The following TMBIM6 variants were observed in gnomAD, a reference collection of about 807,000 sequenced individuals.
The protein encoded by TMBIM6 is transmembrane BAX inhibitor motif containing 6, also known as bax inhibitor 1.
TMBIM6 carries 13 observed loss-of-function variants against 31.4 expected under a neutral mutation model. The observed-to-expected ratio is 0.41, with a 90% CI of 0.27 to 0.66. The LOEUF (loss-of-function observed/expected upper bound fraction) is 0.66. TMBIM6 is among the 30% of genes least tolerant of loss of function. The probability of loss-of-function intolerance (pLI) is 0.28; values close to 1 mark genes in which losing one functional copy is unlikely to be tolerated. For synonymous variants in TMBIM6, 85 were observed against 101.7 expected, an observed-to-expected ratio of 0.84 and a Z score of 0.99; for missense variants, 275 against 289.5, an observed-to-expected ratio of 0.95 and a Z score of 0.36.
chr12:49,753,193 T>C, intron 3 of TMBIM6, 112 bp downstream of exon 3: 1 of 724,600 alleles, frequency 1.4e-6, no homozygotes, highest in South Asian at 2.0e-5. Flanking sequence ...TTATCAGTAG[T>C]TTAGGATTTA....
At chr12:49,761,975 A>G in intron 9 of TMBIM6, 196 bp downstream of exon 9, 1 of 554,160 alleles carries the variant, frequency 1.8e-6, no homozygotes, top group Non-Finnish European at 3.1e-6. Flanking sequence ...AAATTTTTTT[A>G]ACTAATTCCT....
At chr12:49,749,435 A>ATTTTTGTTTTT (rs1555228466) in intron 1 of TMBIM6, among the ~76,000 whole-genome samples, 3 of 136,388 alleles carry the variant, frequency 2.2e-5, no homozygotes, top group East Asian at 3.9e-4. Flanking sequence ...TTTGTAAGTC[A>ATTTTTGTTTTT]TTTTTGTTTT....
intron 1 of TMBIM6, among the ~76,000 whole-genome samples, chr12:49,746,207 C>G (rs1429588438): frequency 4.6e-5 from 7 of 151,758 alleles, no homozygotes; most frequent in Admixed American, 6.6e-5. Flanking sequence ...CTCAGCCTCC[C>G]AAGTAGCTGG....
chr12:49,742,450 G>GGCTGGCACCGGGTAGTAA, intron 1 of TMBIM6: 1 of 931,828 alleles, frequency 1.1e-6, no homozygotes, highest in Non-Finnish European at 1.5e-6. Flanking sequence ...TTACTACCCG[G>GGCTGGCACCGGGTAGTAA]TGCCAGCCCG....
chr12:49,753,039 G>A lies in TMBIM6; in HGVS notation c.123G>A (p.Ala41=), dbSNP rs968083246. The A allele has an allele frequency of 1.3e-5, 21 of 1,613,902 alleles. No homozygotes were observed. Among genetic ancestry groups the A allele is most frequent in the Middle Eastern group, 1.6e-4 (1 of 6,084 alleles). The change falls in exon 3 of 10, where the codon GCG becomes GCA. Residue 41 remains alanine (A), a synonymous_variant. Transcript: ENST00000267115. ...GTTTTGCCCTTTGTATGTTTGTGGC[G>A]GCTGCAGGGGCCTATGTCCATATGG... is the stretch of plus-strand genomic sequence containing the variant. The part of the protein sequence containing the change: ...YASFALCMFV[A]AAGAYVHMVT...
intron 8 of TMBIM6, among the ~76,000 whole-genome samples, chr12:49,759,970 G>C (rs935019465): frequency 6.6e-6 from 1 of 151,590 alleles, no homozygotes; most frequent in Non-Finnish European, 1.5e-5. Flanking sequence ...AAATTAGTCG[G>C]GCGTGGTGGC....
intron 1 of TMBIM6, among the ~76,000 whole-genome samples, chr12:49,746,162 A>G (rs968865680): frequency 4.0e-5 from 6 of 150,580 alleles, no homozygotes; most frequent in African/African-American, 1.5e-4. Context: ...GGCTCACTGC[A>G]ACCTCCGCCT....
chr12:49,760,352 G>A (rs895859438), intron 8 of TMBIM6, among the ~76,000 whole-genome samples: 2 of 152,058 alleles, frequency 1.3e-5, no homozygotes, highest in Non-Finnish European at 1.5e-5. Flanking sequence ...CTGTGCTCAA[G>A]CAGTACTCCT....
chr12:49,752,493 C>T lies in TMBIM6; in HGVS notation c.-1C>T, dbSNP rs902658882. The T allele has an allele frequency of 6.2e-7, 1 of 1,613,572 alleles. No homozygotes were observed. Among genetic ancestry groups the T allele is most frequent in the Non-Finnish European group, 8.5e-7 (1 of 1,179,946 alleles). ...GAGACTGCTGCACGGACTCTGGAAC[C>T]ATGAACATATTTGATCGAAAGATCA... is the stretch of plus-strand genomic sequence containing the variant. On this transcript the variant is annotated 5_prime_UTR_variant, in exon 2 of 10. Transcript: ENST00000267115.
At position 49,742,299 on chromosome 12, in the gene TMBIM6, G is replaced by T. The variant is rs201363669; in HGVS notation, c.-31+688G>T. 3.8e-6 allele frequency: 6 copies of T among 1,561,858 alleles called. No individual in the cohort carries two copies. The East Asian group carries it at 1.4e-4, about 35-fold the overall frequency. Reference sequence around the variant, plus strand: ...TGGGCAGGTGAGGTGGCTTTGCTTTGCTTGGTCTTGAGGTTTTGTGGGCGT... The same window carrying T: ...TGGGCAGGTGAGGTGGCTTTGCTTTTCTTGGTCTTGAGGTTTTGTGGGCGT... On this transcript the variant is annotated intron_variant, in intron 1 of 9. Transcript: ENST00000267115.
intron 1 of TMBIM6, among the ~76,000 whole-genome samples, chr12:49,751,763 T>G (rs913485791): frequency 1.4e-5 from 2 of 144,726 alleles, no homozygotes; most frequent in Non-Finnish European, 3.0e-5. Flanking sequence ...AGATAATTTT[T>G]TTTTTTTTTT....
chr12:49,743,780 T>G (rs922750121), intron 1 of TMBIM6, among the ~76,000 whole-genome samples: 1 of 152,214 alleles, frequency 6.6e-6, no homozygotes, highest in African/African-American at 2.4e-5. Flanking sequence ...TACTGTAGGA[T>G]GGAATAGTAA....
chr12:49,752,401 T>C, intron 1 of TMBIM6, 63 bp from the exon 2 acceptor site: 1 of 1,238,762 alleles, frequency 8.1e-7, no homozygotes, highest in Non-Finnish European at 1.1e-6. Flanking sequence ...TTTTTTTTTT[T>C]TTTATAAGCT....
Position 49,748,690 on chromosome 12 carries a change from G to A in TMBIM6, c.-30-3774G>A, listed in dbSNP as rs527541475. ...GAACATTTACTTTTCAGTTACAAAC[G>A]CAGTATAGGCAGATTTTCCACAACT... On this transcript the variant is annotated intron_variant, in intron 1 of 9. Coordinates refer to ENST00000267115, the MANE Select transcript of TMBIM6 (RefSeq NM_003217.3). Among the ~76,000 whole-genome samples the A allele has an allele frequency of 2.0e-5, 3 of 152,288 alleles. No individual in the cohort carries two copies. The South Asian group carries it at 6.2e-4, about 32-fold the overall frequency.
intron 2 of TMBIM6, 91 bp downstream of exon 2, chr12:49,752,640 G>C (rs144443138): frequency 0.01 from 11,525 of 1,116,512 alleles, 92 homozygotes; most frequent in Non-Finnish European, 0.012. Flanking sequence ...GTGTGTATAA[G>C]CTAACAAATT....
intron 3 of TMBIM6, among the ~76,000 whole-genome samples, chr12:49,753,917 C>T (rs1945541276): frequency 6.8e-6 from 1 of 147,714 alleles, no homozygotes; most frequent in South Asian, 2.1e-4. Context: ...AATCAATACT[C>T]ATGGCACTTT....
intron 3 of TMBIM6, among the ~76,000 whole-genome samples, chr12:49,753,327 G>A (rs1442598055): frequency 6.6e-6 from 1 of 152,162 alleles, no homozygotes. Flanking sequence ...TGACGTACAA[G>A]ACCCCCACCC....
intron 1 of TMBIM6, among the ~76,000 whole-genome samples, chr12:49,751,842 A>G (rs572104309): frequency 1.4e-5 from 2 of 140,006 alleles, no homozygotes; most frequent in Admixed American, 1.6e-4. Context: ...GGCTCACTGC[A>G]GCCTCTGCCT....
rs966017011 is a variant in TMBIM6 at position 49,764,550 on chromosome 12, T to C, written c.*1654T>C. ...TTGAGAACTTACTAAAGGCACTTCCTTCCTGTTAAACCCCTGTTAACTCTC... is the reference window on the plus strand; with the variant it reads ...TTGAGAACTTACTAAAGGCACTTCCCTCCTGTTAAACCCCTGTTAACTCTC... On this transcript the variant is annotated 3_prime_UTR_variant, in exon 10 of 10. Coordinates refer to ENST00000267115, the MANE Select transcript of TMBIM6 (RefSeq NM_003217.3). 6.6e-6 allele frequency: 1 copy of C among 152,584 alleles called. No homozygotes were observed. The highest frequency in any genetic ancestry group is 6.6e-5 in the Admixed American group (1 of 15,266). The allele number at this position is 152,584 out of a possible 1,614,324, so 9.5% of individuals were successfully genotyped here.
Sources: allele counts gnomAD v4.1 joint callset (sites outside exome capture counted in the v4.1 genomes callset), GRCh38; gene constraint gnomAD v4.1.1; transcripts MANE v1.5; gene names NCBI Gene and HGNC (gene_info 2026-07-23, HGNC 2026-07-21).